Variants in ZNF423 observed in about 807,000 individuals in gnomAD.
ZNF423 encodes Ebf-associated zinc finger protein.
In ZNF423, 12 loss-of-function variants were observed where a neutral mutation model predicts 95.8. The ratio of observed to expected loss-of-function variants is 0.13; its 90% CI spans 0.08 to 0.20. The LOEUF (loss-of-function observed/expected upper bound fraction) is 0.20. Ranked by LOEUF, ZNF423 falls within the 10% of genes least tolerant of loss-of-function variation. The probability of loss-of-function intolerance (pLI) is 1.00; values close to 1 mark genes in which losing one functional copy is unlikely to be tolerated. For missense variants in ZNF423, 1,316 were observed against 1,737.1 expected, an observed-to-expected ratio of 0.76 and a Z score of 4.31; for synonymous variants, 749 against 711.9, an observed-to-expected ratio of 1.05 and a Z score of -0.83.
At chr16:49,541,115 CA>C (rs1218306049) in intron 5 of ZNF423, among the ~76,000 whole-genome samples, 2 of 152,196 alleles carry the variant, frequency 1.3e-5, no homozygotes, top group African/African-American at 4.8e-5. Context: ...TCTCTGCACC[CA>C]GAACCTATGC....
At position 49,855,469 on chromosome 16, in the gene ZNF423, G is replaced by A. The variant is rs2035352557; in HGVS notation, c.40+266C>T. Reference sequence around the variant, plus strand: ...CAGGCCTGGGTCCCCCAAGGGCGACGGCGCCGAGTCCGGGCAGGGAGGGTG... The same window carrying A: ...CAGGCCTGGGTCCCCCAAGGGCGACAGCGCCGAGTCCGGGCAGGGAGGGTG... On this transcript the variant is annotated intron_variant, in intron 1 of 7. Coordinates refer to ENST00000563137, the MANE Select transcript of ZNF423 (RefSeq NM_001379286.1). The surrounding 1 kb of genome is among the most constrained non-coding windows in gnomAD (Gnocchi z 4.7). 6.6e-6 allele frequency among the ~76,000 whole-genome samples: 1 copy of A among 151,146 alleles called. No individual in the cohort carries two copies. Among genetic ancestry groups the A allele is most frequent in the Admixed American group, 6.6e-5 (1 of 15,212 alleles).
rs1968563932 is a variant in ZNF423, at chr16:49,525,396, C to T, written c.3700G>A (p.Gly1234Ser). ...HLIEHSFEGM[G>S]GTFKCPVCFT... is the part of the protein sequence containing the mutation. ...CACACGGGGCATTTGAAGGTGCCGC[C>T]CATGCCCTCGAAGCTGTGCTCAATG... is the stretch of plus-strand genomic sequence containing the variant. Residue 1234 changes from glycine to serine, a missense_variant, in exon 6 of 8, where the codon GGC (glycine) becomes AGC (serine). Physicochemically the swap from Gly to Ser is moderately conservative, Grantham distance 56. Around this residue, in one of 6 missense-constraint regions of ZNF423, gnomAD observed 75 missense variants for 163.5 expected, o/e 0.46. Transcript: ENST00000563137. 1 of 1,613,918 alleles carries T rather than the reference C, an allele frequency of 6.2e-7. No individual in the cohort carries two copies. The highest frequency in any genetic ancestry group is 1.3e-5 in the African/African-American group (1 of 74,894).
At chr16:49,660,441 C>A (rs2030151914) in intron 3 of ZNF423, among the ~76,000 whole-genome samples, 2 of 152,260 alleles carry the variant, frequency 1.3e-5, no homozygotes, top group Admixed American at 1.3e-4. Context: ...AAAGAAGCAG[C>A]AAGGAGCCAC....
chr16:49,769,002 G>C (rs2033981318), intron 2 of ZNF423, among the ~76,000 whole-genome samples: 3 of 152,190 alleles, frequency 2.0e-5, no homozygotes, highest in Admixed American at 1.3e-4. Context: ...AACCTTGCAG[G>C]CTTCCTCAGC....
chr16:49,608,312 GA>G (rs910893768), intron 5 of ZNF423, among the ~76,000 whole-genome samples: 5 of 152,224 alleles, frequency 3.3e-5, no homozygotes, highest in Admixed American at 2.6e-4. Context: ...AAGAGGAGGG[GA>G]GGGGGAAGGA....
intron 5 of ZNF423, among the ~76,000 whole-genome samples, chr16:49,559,497 T>C (rs866780648): frequency 2.0e-5 from 3 of 152,210 alleles, no homozygotes; most frequent in Non-Finnish European, 2.9e-5. Context: ...TGCTGCAGAA[T>C]GAGTGGTTGG....
At chr16:49,794,025 C>G (rs1382720255) in intron 1 of ZNF423, among the ~76,000 whole-genome samples, 2 of 140,256 alleles carry the variant, frequency 1.4e-5, no homozygotes, top group Non-Finnish European at 3.0e-5. Flanking sequence ...GTCTCTGTCT[C>G]TCTCTCTCTC....
chr16:49,728,880 G>A (rs1466171965), intron 3 of ZNF423, among the ~76,000 whole-genome samples: 1 of 152,204 alleles, frequency 6.6e-6, no homozygotes, highest in African/African-American at 2.4e-5. Context: ...CTACAGGCAT[G>A]TGCCATCACG....
At chr16:49,680,462 G>A (rs1469527576) in intron 3 of ZNF423, among the ~76,000 whole-genome samples, 1 of 152,220 alleles carries the variant, frequency 6.6e-6, no homozygotes, top group African/African-American at 2.4e-5. Context: ...TGCTTACCAT[G>A]TTGCAGGCAA....
chr16:49,536,432 G>GTTTTTTTTTTTTTT, intron 5 of ZNF423, among the ~76,000 whole-genome samples: 1 of 126,794 alleles, frequency 7.9e-6, no homozygotes, highest in Non-Finnish European at 1.6e-5. Context: ...TTTCTGGGTG[G>GTTTTTTTTTTTTTT]TTTTTTTTTT....
intron 1 of ZNF423, among the ~76,000 whole-genome samples, chr16:49,842,312 G>GC (rs1567368288): frequency 7.4e-5 from 3 of 40,452 alleles, no homozygotes; most frequent in East Asian, 1.1e-3. Flanking sequence ...GGGAGGCGAG[G>GC]GAAGGGAAGG....
At chr16:49,523,225 C>G (rs1389350076) in intron 7 of ZNF423, among the ~76,000 whole-genome samples, 1 of 152,204 alleles carries the variant, frequency 6.6e-6, no homozygotes, top group African/African-American at 2.4e-5. Context: ...CTCCAAGGCC[C>G]CAGACCTAAC....
intron 1 of ZNF423, among the ~76,000 whole-genome samples, chr16:49,833,370 C>G (rs2035081699): frequency 1.3e-5 from 2 of 152,228 alleles, no homozygotes; most frequent in African/African-American, 2.4e-5. Context: ...GTTTCATAAA[C>G]TGCAAGCGAT....
intron 1 of ZNF423, among the ~76,000 whole-genome samples, chr16:49,798,440 A>T (rs1425390502): frequency 2.0e-5 from 3 of 152,108 alleles, no homozygotes; most frequent in African/African-American, 4.8e-5. Flanking sequence ...CCCAGGAGGC[A>T]GAGGTTGCAG....
intron 1 of ZNF423, among the ~76,000 whole-genome samples, chr16:49,833,836 G>A (rs1213512618): frequency 6.6e-6 from 1 of 151,602 alleles, no homozygotes; most frequent in African/African-American, 2.4e-5. Context: ...AGGGCTGGGT[G>A]GGCAGGGAGG....
chr16:49,595,831 G>C (rs1329311115), intron 5 of ZNF423, among the ~76,000 whole-genome samples: 1 of 152,172 alleles, frequency 6.6e-6, no homozygotes, highest in Non-Finnish European at 1.5e-5. Flanking sequence ...AAAATAAACA[G>C]TTTAGTAAAT....
chr16:49,514,630 T>A (rs1276872445), intron 7 of ZNF423, among the ~76,000 whole-genome samples: 1 of 152,188 alleles, frequency 6.6e-6, no homozygotes, highest in East Asian at 1.9e-4. Flanking sequence ...CTTGTTAGAA[T>A]ACCTAGCTCT....
chr16:49,772,059 A>G (rs1279138004), intron 2 of ZNF423, among the ~76,000 whole-genome samples: 1 of 152,218 alleles, frequency 6.6e-6, no homozygotes, highest in Non-Finnish European at 1.5e-5. Flanking sequence ...TAGAAGCTGG[A>G]AACATCCCAC....
intron 7 of ZNF423, among the ~76,000 whole-genome samples, chr16:49,516,599 T>C (rs1968154506): frequency 6.6e-6 from 1 of 152,208 alleles, no homozygotes; most frequent in Non-Finnish European, 1.5e-5. Context: ...GCTTCACTCT[T>C]GGCAGCATTT....
Sources: allele counts gnomAD v4.1 joint callset (sites outside exome capture counted in the v4.1 genomes callset), GRCh38; gene constraint gnomAD v4.1.1; regional missense constraint gnomAD v4.1.1; non-coding constraint Gnocchi (gnomAD v3.1); transcripts MANE v1.5; gene names NCBI Gene and HGNC (gene_info 2026-07-23, HGNC 2026-07-21).